VXN: variants seen among roughly 807,000 people sequenced by gnomAD.
VXN encodes the protein uncharacterized protein C8orf46.
In VXN, 7 loss-of-function variants were observed where a neutral mutation model predicts 23.1. The observed-to-expected ratio is 0.30, with a 90% CI of 0.17 to 0.57. VXN has a LOEUF of 0.57. Among genes scored for constraint, VXN ranks in the 20% least tolerant of loss-of-function variants. The pLI is 0.91. For synonymous variants in VXN, 120 were observed against 105.8 expected (o/e 1.13, Z -0.83); for missense variants, 238 against 272.6 (o/e 0.87, Z 0.89).
intron 4 of VXN, 177 bp downstream of exon 4, chr8:66,510,334 AC>A (rs751014389): frequency 1.9e-4 from 109 of 570,652 alleles, no homozygotes; most frequent in Non-Finnish European, 2.8e-4. Context: ...CCTAATTTGT[AC>A]CCTTGTGGAA....
chr8:66,497,010 A>G (rs1053238405), intron 2 of VXN, among the ~76,000 whole-genome samples: 8 of 152,044 alleles, frequency 5.3e-5, no homozygotes, highest in African/African-American at 1.9e-4. Context: ...TCAGCCTCCC[A>G]AGTAGCTGGG....
rs1807908894 is a variant in VXN, at chr8:66,517,291, CTA to C, written c.*1217_*1218del. The C allele has an allele frequency of 6.6e-6, 1 of 152,064 alleles. No individual in the cohort carries two copies. The highest frequency in any genetic ancestry group is 2.1e-4 in the South Asian group (1 of 4,824). 9.4% of individuals were successfully genotyped at this position (152,064 alleles called of 1,614,324 possible). A position where few individuals can be genotyped will look rare whatever the true frequency, so the allele number is the denominator to read the frequency against. On this transcript the variant is annotated 3_prime_UTR_variant, in exon 6 of 6. Coordinates refer to ENST00000305454, the MANE Select transcript of VXN (RefSeq NM_152765.4). ...CTTATAGCTATCATCTATTAAATGC[CTA>C]TGTTTCAGGCATGATACTAGGCAAT...
chr8:66,499,150 A>T (rs964685994), intron 2 of VXN, among the ~76,000 whole-genome samples: 1 of 151,694 alleles, frequency 6.6e-6, no homozygotes, highest in African/African-American at 2.4e-5. Flanking sequence ...TTTTTTGGCA[A>T]ATGATTTAAT....
At position 66,516,670 on chromosome 8, in the gene VXN, A is replaced by C. The variant is rs1341279590; in HGVS notation, c.*594A>C. On this transcript the variant is annotated 3_prime_UTR_variant, in exon 6 of 6. Transcript: ENST00000305454. ...TTTATGTGCAGTTTTTCTATAGAAA[A>C]ACATTAAAAGTTAAATGTTGACTGC... 1 of 152,236 alleles carries C rather than the reference A, an allele frequency of 6.6e-6. No homozygotes were observed. Among genetic ancestry groups the C allele is most frequent in the Non-Finnish European group, 1.5e-5 (1 of 68,050 alleles). The allele number at this position is 152,236 out of a possible 1,614,324, so 9.4% of individuals were successfully genotyped here.
chr8:66,514,780 A>T (rs1807866792), intron 5 of VXN, among the ~76,000 whole-genome samples: 2 of 152,154 alleles, frequency 1.3e-5, no homozygotes, highest in African/African-American at 4.8e-5. Flanking sequence ...GCTGTTGTCA[A>T]CGTGTTTCAG....
intron 3 of VXN, among the ~76,000 whole-genome samples, chr8:66,508,991 C>A (rs543580920): frequency 9.2e-5 from 14 of 152,236 alleles, no homozygotes; most frequent in African/African-American, 2.4e-4. Context: ...CAGAGTGAGA[C>A]CCCGTCTCAA....
At position 66,505,406 on chromosome 8, in the gene VXN, A is replaced by G. The variant is rs1263938160; in HGVS notation, c.158A>G (p.Gln53Arg). ...VVIESDLYTHQPLELLPHRGD... is the reference protein window; with the variant it reads ...VVIESDLYTHRPLELLPHRGD... Reference sequence around the variant, plus strand: ...ATCGAGTCGGACCTGTACACGCACCAGCCCCTGGAGCTGCTGCCCCACCGC... The same window carrying G: ...ATCGAGTCGGACCTGTACACGCACCGGCCCCTGGAGCTGCTGCCCCACCGC... The change falls in exon 3 of 6, where the codon CAG becomes CGG. Residue 53 changes from glutamine to arginine, a missense_variant. By Grantham distance (43) the Gln-to-Arg change is conservative. This residue lies in a region of VXN where 223 missense variants were observed against 236.9 expected (regional missense o/e 0.94). Coordinates refer to ENST00000305454, the MANE Select transcript of VXN (RefSeq NM_152765.4). 1 of 1,580,412 alleles carries G rather than the reference A, an allele frequency of 6.3e-7. No homozygotes were observed. Among genetic ancestry groups the G allele is most frequent in the South Asian group, 1.2e-5 (1 of 86,508 alleles).
intron 2 of VXN, among the ~76,000 whole-genome samples, chr8:66,497,942 C>T (rs540835709): frequency 3.1e-4 from 47 of 151,906 alleles, no homozygotes; most frequent in African/African-American, 1.1e-3. Flanking sequence ...CTGAGGTGGG[C>T]GGATCACCCG....
chr8:66,496,505 T>C lies in VXN; in HGVS notation c.126+13T>C. 2.5e-6 allele frequency: 4 copies of C among 1,613,218 alleles called. No individual in the cohort carries two copies. The highest frequency in any genetic ancestry group is 2.5e-6 in the Non-Finnish European group (3 of 1,179,142). On this transcript the variant is annotated intron_variant, in intron 2 of 5. Coordinates refer to ENST00000305454, the MANE Select transcript of VXN (RefSeq NM_152765.4). Reference sequence around the variant, plus strand: ...CTTGACCAAGAATGTAAGGAAACTTTAGTTTTGATGTTCTTTGGTTGACTT... The same window carrying C: ...CTTGACCAAGAATGTAAGGAAACTTCAGTTTTGATGTTCTTTGGTTGACTT...
At chr8:66,515,268 T>C (rs10095700) in intron 5 of VXN, among the ~76,000 whole-genome samples, 11,107 of 152,264 alleles carry the variant, frequency 0.073, 936 homozygotes, top group African/African-American at 0.2. Flanking sequence ...TTTCAATTTG[T>C]TCCTGGACCC....
intron 2 of VXN, among the ~76,000 whole-genome samples, chr8:66,502,871 G>C (rs1286859045): frequency 6.6e-6 from 1 of 150,860 alleles, no homozygotes; most frequent in South Asian, 2.1e-4. Flanking sequence ...TTTTAAGATG[G>C]GGTCTCACTC....
At chr8:66,499,135 C>CT (rs1385912689) in intron 2 of VXN, among the ~76,000 whole-genome samples, 2,291 of 134,612 alleles carry the variant, frequency 0.017, 70 homozygotes, top group African/African-American at 0.058. Flanking sequence ...ATTTTTTTCT[C>CT]TTTTTTTTTT....
rs116655287 is a variant in VXN, at chr8:66,501,923, G to A, written c.127-3452G>A. On this transcript the variant is annotated intron_variant, in intron 2 of 5. Coordinates refer to ENST00000305454, the MANE Select transcript of VXN (RefSeq NM_152765.4). ...AGCAATTGTGATTGATTATCTTGAT[G>A]AGGAAAATAATTCTTATTTTGCAAC... 3.6e-3 allele frequency among the ~76,000 whole-genome samples: 550 copies of A among 152,270 alleles called. 4 individuals are homozygous for A. Among genetic ancestry groups the A allele is most frequent in the African/African-American group, 0.013 (520 of 41,550 alleles).
chr8:66,498,645 T>C (rs2130542674), intron 2 of VXN, among the ~76,000 whole-genome samples: 1 of 152,240 alleles, frequency 6.6e-6, no homozygotes, highest in African/African-American at 2.4e-5. Flanking sequence ...ATAACCAAGA[T>C]GGCTACTAAG....
At chr8:66,507,606 T>G (rs760404720) in intron 3 of VXN, among the ~76,000 whole-genome samples, 4 of 152,154 alleles carry the variant, frequency 2.6e-5, no homozygotes, top group Non-Finnish European at 5.9e-5. Context: ...GCTGCCTGAG[T>G]CAGTCTTTTA....
chr8:66,516,070 C>A lies in VXN; in HGVS notation c.618C>A (p.Ala206=). 6.2e-7 allele frequency: 1 copy of A among 1,605,924 alleles called. No homozygotes were observed. The change falls in exon 6 of 6, where the codon GCC becomes GCA. Residue 206 remains alanine (A), a synonymous_variant. Coordinates refer to ENST00000305454, the MANE Select transcript of VXN (RefSeq NM_152765.4). ...GAGCCACCAACAGCGCCTTTGAGGC[C>A]GACTAAAGGTGACCCTCTTCAAGTG... ...YVGATNSAFE[A]D is the part of the protein sequence containing the mutation.
At position 66,513,624 on chromosome 8, in the gene VXN, G is replaced by A; in HGVS notation, c.427G>A (p.Val143Ile). The stretch of plus-strand genomic sequence containing the variant: ...AGCCATGGGCACAGAGAAGGGAGCT[G>A]TTCTGATGAGAGGGTAAGTGCTGCG... ...ATAMGTEKGA[V>I]LMRGSRHLKK... is the part of the protein sequence containing the mutation. Residue 143 changes from valine (V) to isoleucine (I), a missense_variant, in exon 5 of 6, where the codon GTT (valine) becomes ATT (isoleucine). Val to Ile is a conservative substitution (Grantham distance 29, BLOSUM62 3). Transcript: ENST00000305454. The A allele has an allele frequency of 6.2e-7, 1 of 1,614,098 alleles. No homozygotes were observed. Among genetic ancestry groups the A allele is most frequent in the Non-Finnish European group, 8.5e-7 (1 of 1,179,954 alleles).
intron 2 of VXN, chr8:66,503,637 C>G (rs1275979085): frequency 6.6e-6 from 1 of 152,274 alleles, no homozygotes; most frequent in Non-Finnish European, 1.5e-5. Context: ...CTTCTCTCTC[C>G]TCCTCCCTGC....
At position 66,500,664 on chromosome 8, in the gene VXN, C is replaced by T. The variant is rs186737371; in HGVS notation, c.126+4172C>T. Among the ~76,000 whole-genome samples the T allele has an allele frequency of 3.2e-4, 49 of 152,122 alleles. 1 individual carries two copies. The highest frequency in any genetic ancestry group is 3.1e-3 in the Admixed American group (47 of 15,276). Reference sequence around the variant, plus strand: ...CATCTTACCCAATAGGTAGTGTTTCCACCCTTTCCCTCTTCCCTTCCTCCT... The same window carrying T: ...CATCTTACCCAATAGGTAGTGTTTCTACCCTTTCCCTCTTCCCTTCCTCCT... On this transcript the variant is annotated intron_variant, in intron 2 of 5. Transcript: ENST00000305454.
Sources: gnomAD v4.1 joint callset for allele counts (sites outside exome capture counted in the v4.1 genomes callset) on GRCh38, gnomAD v4.1.1 for gene constraint, gnomAD v4.1.1 regional missense constraint, MANE v1.5 for transcripts, NCBI Gene and HGNC (gene_info 2026-07-23, HGNC 2026-07-21) for gene names.